YWHAG: variants seen among roughly 807,000 people sequenced by gnomAD.
YWHAG encodes 14-3-3 protein gamma.
YWHAG carries 1 observed loss-of-function variant against 23.3 expected under a neutral mutation model. That is an observed-to-expected ratio of 0.04 (90% CI 0.02 to 0.20). The LOEUF (loss-of-function observed/expected upper bound fraction) is 0.20, where lower values mean the gene tolerates loss of function less well. YWHAG is among the 10% of genes least tolerant of loss of function. The pLI is 1.00. For synonymous variants in YWHAG, 160 were observed against 144.0 expected (o/e 1.11, Z -0.80); for missense variants, 151 against 338.6 (o/e 0.45, Z 4.35).
intron 1 of YWHAG, among the ~76,000 whole-genome samples, chr7:76,355,746 C>A (rs536428540): frequency 1.3e-5 from 2 of 152,204 alleles, no homozygotes; most frequent in African/African-American, 2.4e-5. Flanking sequence ...GCCCTCCCAC[C>A]CCTCATTGAG....
intron 1 of YWHAG, among the ~76,000 whole-genome samples, chr7:76,354,055 CCT>C (rs1347223699): frequency 8.8e-5 from 9 of 101,900 alleles, no homozygotes; most frequent in African/African-American, 3.0e-4. Context: ...TGAGACCTTG[CCT>C]CAAAAAAAAA....
chr7:76,353,905 C>T (rs189623454), intron 1 of YWHAG, among the ~76,000 whole-genome samples: 1 of 151,658 alleles, frequency 6.6e-6, no homozygotes, highest in East Asian at 1.9e-4. Context: ...CCCGTTCCTA[C>T]AAAAAACGGT....
intron 1 of YWHAG, 150 bp from the exon 2 acceptor site, chr7:76,330,383 T>A: frequency 1.2e-6 from 1 of 859,914 alleles, no homozygotes; most frequent in Non-Finnish European, 1.7e-6. Context: ...GGGCTGGAGG[T>A]GGAGCACACA....
At chr7:76,352,095 T>C (rs1803884404) in intron 1 of YWHAG, among the ~76,000 whole-genome samples, 1 of 152,214 alleles carries the variant, frequency 6.6e-6, no homozygotes, top group African/African-American at 2.4e-5. Flanking sequence ...CATGTTAGAT[T>C]GCTACAAAAG....
intron 1 of YWHAG, among the ~76,000 whole-genome samples, chr7:76,341,021 G>A (rs1050203568): frequency 6.6e-6 from 1 of 152,138 alleles, no homozygotes; most frequent in Non-Finnish European, 1.5e-5. Flanking sequence ...CTACAGGCAT[G>A]TGCCACCAAA....
intron 1 of YWHAG, among the ~76,000 whole-genome samples, chr7:76,357,558 GT>G (rs1487000221): frequency 6.6e-6 from 1 of 152,054 alleles, no homozygotes; most frequent in Non-Finnish European, 1.5e-5. Context: ...TGACAAAATG[GT>G]GCAATACAGG....
intron 1 of YWHAG, among the ~76,000 whole-genome samples, chr7:76,355,560 T>C (rs1487470333): frequency 6.6e-6 from 1 of 152,146 alleles, no homozygotes; most frequent in African/African-American, 2.4e-5. Context: ...TTGGCAGAAC[T>C]CCACCTCTGA....
chr7:76,358,705 G>C lies in YWHAG; in HGVS notation c.87+17C>G, dbSNP rs768359525. ...CGGAGGGGCAGGGAGCGGCGGGGGAGGGGAGGAGACACTCACGTTCTTCAT... is the reference window on the plus strand; with the variant it reads ...CGGAGGGGCAGGGAGCGGCGGGGGACGGGAGGAGACACTCACGTTCTTCAT... On this transcript the variant is annotated intron_variant, in intron 1 of 1. Coordinates refer to ENST00000307630, the MANE Select transcript of YWHAG (RefSeq NM_012479.4). 2 of 1,565,760 alleles carry C rather than the reference G, an allele frequency of 1.3e-6. No individual in the cohort carries two copies. Among genetic ancestry groups the C allele is most frequent in the Admixed American group, 1.8e-5 (1 of 55,606 alleles).
At chr7:76,353,247 C>T (rs1354192293) in intron 1 of YWHAG, among the ~76,000 whole-genome samples, 3 of 152,064 alleles carry the variant, frequency 2.0e-5, no homozygotes, top group African/African-American at 7.2e-5. Context: ...GAGTCTTGCT[C>T]TGTCACCCAG....
Position 76,329,512 on chromosome 7 carries a change from C to A in YWHAG, c.*65G>T, listed in dbSNP as rs1803509515. 4.1e-5 allele frequency: 39 copies of A among 948,856 alleles called. No homozygotes were observed. Among genetic ancestry groups the A allele is most frequent in the Non-Finnish European group, 5.4e-5 (36 of 670,816 alleles). The allele number at this position is 948,856 out of a possible 1,614,324, so 58.8% of individuals were successfully genotyped here. A position where few individuals can be genotyped will look rare whatever the true frequency, so the allele number is the denominator to read the frequency against. On this transcript the variant is annotated 3_prime_UTR_variant, in exon 2 of 2. Transcript: ENST00000307630. This position sits in a 1 kb window ranked among gnomAD's most constrained non-coding sequence, Gnocchi z 6.1. The stretch of plus-strand genomic sequence containing the variant: ...TTTCCCTCCCCCACCCGACCCCCAA[C>A]TCATGGGAAAAAAATAAAGACTGCA...
At position 76,328,116 on chromosome 7, in the gene YWHAG, G is replaced by A. The variant is rs1314994556; in HGVS notation, c.*1461C>T. 3 of 151,998 alleles carry A rather than the reference G, an allele frequency of 2.0e-5. No individual in the cohort carries two copies. The highest frequency in any genetic ancestry group is 4.8e-5 in the African/African-American group (2 of 41,388). 9.4% of individuals were successfully genotyped at this position (151,998 alleles called of 1,614,324 possible). A position where few individuals can be genotyped will look rare whatever the true frequency, so the allele number is the denominator to read the frequency against. ...TATATAAAAAAAAGAATGCACATGC[G>A]GGCCACGTTCACAGATAGACAGATT... On this transcript the variant is annotated 3_prime_UTR_variant, in exon 2 of 2. Transcript: ENST00000307630.
intron 1 of YWHAG, among the ~76,000 whole-genome samples, chr7:76,332,732 G>GGT (rs963110478): frequency 2.7e-5 from 4 of 148,426 alleles, no homozygotes; most frequent in Non-Finnish European, 4.5e-5. Flanking sequence ...AAAAAGACCT[G>GGT]GTCTCACTCT....
intron 1 of YWHAG, among the ~76,000 whole-genome samples, chr7:76,354,278 A>C (rs957184399): frequency 2.6e-5 from 4 of 152,172 alleles, no homozygotes; most frequent in African/African-American, 4.8e-5. Context: ...TGGGAGGCTG[A>C]GGTGGGCAGA....
chr7:76,329,492 C>CGA lies in YWHAG; in HGVS notation c.*84_*85insTC. On this transcript the variant is annotated 3_prime_UTR_variant, in exon 2 of 2. Coordinates refer to ENST00000307630, the MANE Select transcript of YWHAG (RefSeq NM_012479.4). This position sits in a 1 kb window ranked among gnomAD's most constrained non-coding sequence, Gnocchi z 6.1. ...CTGGGAAGGTCATCCCTCCCTTTCCCTCCCCCACCCGACCCCCAACTCATG... is the reference window on the plus strand; with the variant it reads ...CTGGGAAGGTCATCCCTCCCTTTCCCGATCCCCCACCCGACCCCCAACTCATG... The CGA allele has an allele frequency of 1.9e-6, 2 of 1,070,710 alleles. No individual in the cohort carries two copies. Among genetic ancestry groups the CGA allele is most frequent in the Non-Finnish European group, 2.6e-6 (2 of 782,490 alleles). 66.3% of individuals were successfully genotyped at this position (1,070,710 alleles called of 1,614,324 possible).
chr7:76,348,569 A>T (rs1310446110), intron 1 of YWHAG, among the ~76,000 whole-genome samples: 1 of 151,722 alleles, frequency 6.6e-6, no homozygotes, highest in Non-Finnish European at 1.5e-5. Flanking sequence ...ACGCCCGACT[A>T]ATTTTTTTGT....
intron 1 of YWHAG, among the ~76,000 whole-genome samples, chr7:76,334,180 A>AATCCTTT (rs1367502577): frequency 5.3e-5 from 8 of 152,212 alleles, no homozygotes; most frequent in Non-Finnish European, 7.3e-5. Context: ...AATTTTTAAA[A>AATCCTTT]ATCCTTTATC....
chr7:76,354,581 G>C (rs903332811), intron 1 of YWHAG, among the ~76,000 whole-genome samples: 1 of 152,110 alleles, frequency 6.6e-6, no homozygotes, highest in Non-Finnish European at 1.5e-5. Context: ...TATTGGGAAT[G>C]GGCAAAGAAG....
intron 1 of YWHAG, among the ~76,000 whole-genome samples, chr7:76,357,888 A>G: frequency 6.6e-6 from 1 of 152,214 alleles, no homozygotes. Flanking sequence ...GCCTGTATTC[A>G]AAAAAGAAAC....
chr7:76,355,200 T>C (rs766912000), intron 1 of YWHAG, among the ~76,000 whole-genome samples: 1 of 152,214 alleles, frequency 6.6e-6, no homozygotes, highest in African/African-American at 2.4e-5. Flanking sequence ...TGTGACTATG[T>C]GACAGTTATG....
Sources: gnomAD v4.1 joint callset for allele counts (sites outside exome capture counted in the v4.1 genomes callset) on GRCh38, gnomAD v4.1.1 for gene constraint, Gnocchi (gnomAD v3.1) non-coding constraint, MANE v1.5 for transcripts, NCBI Gene and HGNC (gene_info 2026-07-23, HGNC 2026-07-21) for gene names.